Variants in MAPKBP1 observed in about 807,000 individuals in gnomAD.
The protein encoded by MAPKBP1 is mitogen-activated protein kinase binding protein 1, also known as mitogen-activated protein kinase-binding protein 1.
Under a neutral mutation model 170.5 loss-of-function variants are expected in MAPKBP1, and 71 were observed. The ratio of observed to expected loss-of-function variants is 0.42; its 90% confidence interval spans 0.34 to 0.51. The LOEUF (loss-of-function observed/expected upper bound fraction) is 0.51, where lower values mean the gene tolerates loss of function less well. Among genes scored for constraint, MAPKBP1 ranks in the 20% least tolerant of loss-of-function variants. The pLI, the probability that MAPKBP1 is intolerant of heterozygous loss-of-function variation, is 0.06. For missense variants in MAPKBP1, 1,598 were observed against 1,933.0 expected (o/e 0.83, Z 3.25); for synonymous variants, 719 against 757.9 (o/e 0.95, Z 0.84).
At chr15:41,782,611 G>A (rs534742623) in intron 2 of MAPKBP1, among the ~76,000 whole-genome samples, 22 of 152,284 alleles carry the variant, frequency 1.4e-4, no homozygotes, top group African/African-American at 5.3e-4. Context: ...GAGTGGCTAA[G>A]CAAGAATTCA....
intron 7 of MAPKBP1, 123 bp from the exon 8 acceptor site, chr15:41,812,796 G>A: frequency 6.9e-7 from 1 of 1,449,390 alleles, no homozygotes; most frequent in African/African-American, 1.4e-5. Flanking sequence ...ATGCTGTCTG[G>A]GCTGAGGAGT....
chr15:41,779,046 C>T (rs2064140619), intron 2 of MAPKBP1, among the ~76,000 whole-genome samples: 1 of 151,852 alleles, frequency 6.6e-6, no homozygotes, highest in Non-Finnish European at 1.5e-5. Flanking sequence ...ATTTGTTTCC[C>T]CAAGTTTTTT....
chr15:41,825,617 A>C lies in MAPKBP1; in HGVS notation c.*181A>C. The C allele has an allele frequency of 1.9e-6, 1 of 538,350 alleles. No individual in the cohort carries two copies. The highest frequency in any genetic ancestry group is 3.2e-6 in the Non-Finnish European group (1 of 308,508). The allele number at this position is 538,350 out of a possible 1,614,324, so 33.3% of individuals were successfully genotyped here. A position where few individuals can be genotyped will look rare whatever the true frequency, so the allele number is the denominator to read the frequency against. ...CTGTATTTATTAATTTATTTCCCTGACTGTTGCCTCACTTCCTTGGAACTC... is the reference window on the plus strand; with the variant it reads ...CTGTATTTATTAATTTATTTCCCTGCCTGTTGCCTCACTTCCTTGGAACTC... On this transcript the variant is annotated 3_prime_UTR_variant, in exon 31 of 31. Coordinates refer to ENST00000457542, the MANE Select transcript of MAPKBP1 (RefSeq NM_014994.3).
Position 41,818,009 on chromosome 15 carries a change from GAT to G in MAPKBP1, c.1908_1909del (p.Phe637Ter). On this transcript the variant is annotated frameshift_variant and splice_region_variant, in exon 17 of 31. Transcript: ENST00000457542. LOFTEE classifies it high-confidence loss of function. The surrounding 1 kb of genome is among the most constrained non-coding windows in gnomAD (Gnocchi z 5.2). ...AIGCQDRNIR[I>X]FNISSGKQKK... ...GAGAAAGAGACTATGTTTCTTACAG[GAT>G]ATTTAACATCAGCAGTGGAAAGCAG... 6.2e-7 allele frequency: 1 copy of G among 1,614,028 alleles called. No individual in the cohort carries two copies. Among genetic ancestry groups the G allele is most frequent in the Non-Finnish European group, 8.5e-7 (1 of 1,179,924 alleles).
At chr15:41,809,827 T>A (rs1301572535) in intron 3 of MAPKBP1, among the ~76,000 whole-genome samples, 2 of 152,216 alleles carry the variant, frequency 1.3e-5, no homozygotes, top group Admixed American at 1.3e-4. Flanking sequence ...CGGGAGAGGT[T>A]GCCCCCACCT....
At chr15:41,776,018 C>T (rs2064092604) in intron 2 of MAPKBP1, among the ~76,000 whole-genome samples, 1 of 152,268 alleles carries the variant, frequency 6.6e-6, no homozygotes, top group South Asian at 2.1e-4. Flanking sequence ...CCAAGAGCCA[C>T]ATCCCACTCA....
chr15:41,825,156 TTA>T, intron 30 of MAPKBP1, 51 bp from the exon 31 acceptor site: 9 of 1,468,104 alleles, frequency 6.1e-6, no homozygotes, highest in Non-Finnish European at 8.3e-6. Flanking sequence ...CCCCTCCCTT[TTA>T]TATGTCTGTT....
chr15:41,808,476 G>C (rs7175346), intron 3 of MAPKBP1, among the ~76,000 whole-genome samples: 1 of 149,318 alleles, frequency 6.7e-6, no homozygotes, highest in Non-Finnish European at 1.5e-5. Context: ...TGCTTTTGTC[G>C]TACTTTTTTT....
intron 1 of MAPKBP1, 46 bp downstream of exon 1, chr15:41,774,656 C>T (rs959876526): frequency 2.5e-6 from 1 of 398,694 alleles, no homozygotes; most frequent in South Asian, 1.3e-4. Context: ...GCAGGGGCCT[C>T]AGAGGCGGGT....
intron 22 of MAPKBP1, among the ~76,000 whole-genome samples, chr15:41,820,058 A>C (rs537637270): frequency 7.9e-5 from 12 of 152,232 alleles, no homozygotes; most frequent in South Asian, 2.1e-4. Flanking sequence ...CTGGAGAAAC[A>C]GTTCTAAAGA....
chr15:41,810,588 A>G (rs1453641190), intron 3 of MAPKBP1: 1 of 375,240 alleles, frequency 2.7e-6, no homozygotes, highest in South Asian at 7.9e-5. Context: ...GCATGGTGGC[A>G]CATGCCTGTG....
intron 2 of MAPKBP1, among the ~76,000 whole-genome samples, chr15:41,779,799 C>G (rs1220152179): frequency 6.6e-6 from 1 of 152,234 alleles, no homozygotes; most frequent in African/African-American, 2.4e-5. Context: ...CCCTCACCAG[C>G]CTTTGTGAAT....
rs1256009634 is a variant in MAPKBP1, at chr15:41,799,998, G to A, written c.206+84G>A. 6 of 1,123,692 alleles carry A rather than the reference G, an allele frequency of 5.3e-6. No homozygotes were observed. In the Admixed American group the frequency reaches 8.6e-5, roughly 16 times the overall value. The allele number at this position is 1,123,692 out of a possible 1,614,324, so 69.6% of individuals were successfully genotyped here. A position where few individuals can be genotyped will look rare whatever the true frequency, so the allele number is the denominator to read the frequency against. On this transcript the variant is annotated intron_variant, in intron 3 of 30. Coordinates refer to ENST00000457542, the MANE Select transcript of MAPKBP1 (RefSeq NM_014994.3). Reference sequence around the variant, plus strand: ...AGTTGGGATGGGCAGGGATTTTCTGGTATCTTCTGGAAGATAGATACAGGT... The same window carrying A: ...AGTTGGGATGGGCAGGGATTTTCTGATATCTTCTGGAAGATAGATACAGGT...
chr15:41,811,649 A>G (rs1319700480), intron 5 of MAPKBP1: 3 of 628,808 alleles, frequency 4.8e-6, no homozygotes, highest in East Asian at 3.3e-5. Context: ...AGGGGCAGAA[A>G]TAGACCTGAG....
chr15:41,786,777 A>AAAAAAAAAAAAATATATAT, intron 2 of MAPKBP1, among the ~76,000 whole-genome samples: 2 of 32,470 alleles, frequency 6.2e-5, no homozygotes, highest in African/African-American at 2.6e-4. Context: ...AAAAAAAAAA[A>AAAAAAAAAAAAATATATAT]ATATATATAT....
At chr15:41,815,177 G>T (rs117228318) in intron 10 of MAPKBP1, 82 bp from the exon 11 acceptor site, 2 of 1,545,310 alleles carry the variant, frequency 1.3e-6, no homozygotes, top group Admixed American at 3.5e-5. Context: ...TCCCTTTTTC[G>T]TCCCATTCCC....
chr15:41,797,532 C>A (rs1339969742), intron 2 of MAPKBP1, among the ~76,000 whole-genome samples: 2 of 152,108 alleles, frequency 1.3e-5, no homozygotes, highest in Admixed American at 1.3e-4. Flanking sequence ...CCCCAGACTT[C>A]CCCAGGATGA....
At position 41,812,632 on chromosome 15, in the gene MAPKBP1, C is replaced by T. The variant is rs761410093; in HGVS notation, c.615C>T (p.Leu205=). ...ACCGACACATCAAATTCTGGTATCTCGATGACAGCAAGACCTCAAAGGTGA... is the reference window on the plus strand; with the variant it reads ...ACCGACACATCAAATTCTGGTATCTTGATGACAGCAAGACCTCAAAGGTGA... ...AGNRHIKFWY[L]DDSKTSKVNA... Residue 205 remains leucine, a synonymous_variant, in exon 7 of 31, where the codon CTC becomes CTT. Transcript: ENST00000457542. 3.7e-6 allele frequency: 6 copies of T among 1,610,306 alleles called. No individual in the cohort carries two copies. Among genetic ancestry groups the T allele is most frequent in the Admixed American group, 3.3e-5 (2 of 59,728 alleles).
At position 41,818,281 on chromosome 15, in the gene MAPKBP1, G is replaced by A. The variant is rs753470003; in HGVS notation, c.2068G>A (p.Val690Met). The change falls in exon 18 of 31, where the codon GTG becomes ATG. Residue 690 changes from valine to methionine, a missense_variant. Val to Met is a conservative substitution (Grantham distance 21). Transcript: ENST00000457542. This position sits in a 1 kb window ranked among gnomAD's most constrained non-coding sequence, Gnocchi z 5.2. The part of the protein sequence containing the change: ...SIFDFSSGEC[V>M]ATMFGHSEIV... ...TTTTGACTTCTCCTCAGGCGAGTGCGTGGCCACCATGTTTGGCCACTCAGG... is the reference window on the plus strand; with the variant it reads ...TTTTGACTTCTCCTCAGGCGAGTGCATGGCCACCATGTTTGGCCACTCAGG... The A allele has an allele frequency of 1.2e-5, 19 of 1,614,068 alleles. No homozygotes were observed. The highest frequency in any genetic ancestry group is 1.7e-4 in the Middle Eastern group (1 of 6,060).
Sources: gnomAD v4.1 joint callset for allele counts (sites outside exome capture counted in the v4.1 genomes callset) on GRCh38, gnomAD v4.1.1 for gene constraint, Gnocchi (gnomAD v3.1) non-coding constraint, MANE v1.5 for transcripts, NCBI Gene and HGNC (gene_info 2026-07-23, HGNC 2026-07-21) for gene names.